The following PROM1 variants were observed in gnomAD, a reference collection of about 807,000 sequenced individuals.
PROM1 encodes prominin 1.
Under a neutral mutation model 116.9 loss-of-function variants are expected in PROM1, and 105 were observed. The observed-to-expected ratio is 0.90, with a 90% CI of 0.77 to 1.06. The LOEUF (loss-of-function observed/expected upper bound fraction) is 1.06, where lower values mean the gene tolerates loss of function less well. Among genes scored for constraint, PROM1 ranks in the 50% least tolerant of loss-of-function variants. The probability of loss-of-function intolerance (pLI) is 0.00; values close to 1 mark genes in which losing one functional copy is unlikely to be tolerated. For missense variants in PROM1, 1,122 were observed against 1,045.2 expected (o/e 1.07, Z -1.01); for synonymous variants, 393 against 387.0 (o/e 1.02, Z -0.18).
At chr4:15,977,650 A>G (rs967729889) in intron 26 of PROM1, among the ~76,000 whole-genome samples, 6 of 152,188 alleles carry the variant, frequency 3.9e-5, no homozygotes, top group Admixed American at 2.0e-4. Flanking sequence ...CCAGGCTGGA[A>G]TGCAGTGGCA....
At chr4:16,022,994 A>G (rs188191235) in intron 8 of PROM1, among the ~76,000 whole-genome samples, 68 of 152,164 alleles carry the variant, frequency 4.5e-4, no homozygotes, top group Non-Finnish European at 7.9e-4. Flanking sequence ...CAACGACTCA[A>G]CTCTGCCATC....
At chr4:15,989,018 G>T (rs766692780) in intron 19 of PROM1, among the ~76,000 whole-genome samples, 2 of 151,950 alleles carry the variant, frequency 1.3e-5, no homozygotes, top group Non-Finnish European at 2.9e-5. Flanking sequence ...CTACAAATAC[G>T]GCCCACACAC....
chr4:16,045,588 G>A (rs886963126), intron 2 of PROM1, among the ~76,000 whole-genome samples: 4 of 152,098 alleles, frequency 2.6e-5, no homozygotes, highest in African/African-American at 9.7e-5. Context: ...TCCTCTACCA[G>A]TAGCCTATCC....
intron 4 of PROM1, among the ~76,000 whole-genome samples, chr4:16,034,373 C>T (rs6816182): frequency 0.88 from 133,437 of 152,180 alleles, 59,111 homozygotes; most frequent in African/African-American, 0.97. Context: ...TTAGAGATAA[C>T]GCATGATTAG....
At chr4:15,970,536 C>A (rs981094893) in intron 27 of PROM1, among the ~76,000 whole-genome samples, 2 of 151,870 alleles carry the variant, frequency 1.3e-5, no homozygotes, top group African/African-American at 2.4e-5. Flanking sequence ...TTAATATACA[C>A]CCACATACTC....
At chr4:15,993,490 C>A (rs1225263200) in intron 16 of PROM1, among the ~76,000 whole-genome samples, 1 of 152,176 alleles carries the variant, frequency 6.6e-6, no homozygotes, top group Non-Finnish European at 1.5e-5. Context: ...AGAGGAGGTT[C>A]TGTCGGCTTC....
chr4:16,075,831 T>C lies in PROM1; in HGVS notation c.76A>G (p.Thr26Ala), dbSNP rs369945480. The C allele has an allele frequency of 7.4e-6, 12 of 1,613,640 alleles. No homozygotes were observed. The African/African-American group carries it at 1.6e-4, about 22-fold the overall frequency. ...TAATTCCAAGCCTTAGGAGCATCTG[T>C]GGATGAAGGCTGCCCTCCTGAAAAG... is the stretch of plus-strand genomic sequence containing the variant. ...NSFSGGQPSS[T>A]DAPKAWNYEL... Residue 26 changes from threonine (T) to alanine (A), a missense_variant, in exon 2 of 28, where the codon ACA (threonine) becomes GCA (alanine). Physicochemically the swap from Thr to Ala is moderately conservative, Grantham distance 58. Transcript: ENST00000447510.
Position 15,985,968 on chromosome 4 carries a change from C to A in PROM1, c.2200G>T (p.Val734Phe). ...AAAAGAAGGCTCACCTCAATAATAA[C>A]AGAGGAAGTATTGTTTGTGATGAAG... The part of the protein sequence containing the change: ...QNFITNNTSS[V>F]IIEETKKYGR... Residue 734 changes from valine to phenylalanine, a missense_variant, in exon 21 of 28, where the codon GTT becomes TTT. Coordinates refer to ENST00000447510, the MANE Select transcript of PROM1 (RefSeq NM_006017.3). 8.9e-7 allele frequency: 1 copy of A among 1,123,654 alleles called. No homozygotes were observed. Among genetic ancestry groups the A allele is most frequent in the Non-Finnish European group, 1.1e-6 (1 of 883,616 alleles). The allele number at this position is 1,123,654 out of a possible 1,614,324, so 69.6% of individuals were successfully genotyped here.
At chr4:16,080,316 C>T (rs746915781) in intron 1 of PROM1, among the ~76,000 whole-genome samples, 12 of 151,674 alleles carry the variant, frequency 7.9e-5, no homozygotes, top group Non-Finnish European at 1.5e-4. Context: ...GTCAGGAGAT[C>T]GAGACCATCC....
chr4:16,009,828 G>A (rs1355011733), intron 11 of PROM1, among the ~76,000 whole-genome samples: 2 of 151,560 alleles, frequency 1.3e-5, no homozygotes, highest in African/African-American at 4.9e-5. Context: ...TAACTCGGGA[G>A]GCTGAGGCAG....
intron 1 of PROM1, among the ~76,000 whole-genome samples, chr4:16,078,760 A>G (rs1434876239): frequency 1.3e-5 from 2 of 152,248 alleles, no homozygotes; most frequent in Non-Finnish European, 2.9e-5. Flanking sequence ...TCCAAGTCAA[A>G]GAAAGCTTTG....
intron 24 of PROM1, 54 bp from the exon 25 acceptor site, chr4:15,979,958 C>G (rs971077483): frequency 2.8e-6 from 3 of 1,069,660 alleles, no homozygotes; most frequent in Non-Finnish European, 4.1e-6. Flanking sequence ...ATTATGAAAG[C>G]TCAGCAACTA....
chr4:16,058,030 C>G (rs1393758253), intron 2 of PROM1, among the ~76,000 whole-genome samples: 1 of 151,984 alleles, frequency 6.6e-6, no homozygotes, highest in Non-Finnish European at 1.5e-5. Context: ...GCCAATTGTT[C>G]AGGAAAAAAA....
intron 11 of PROM1, among the ~76,000 whole-genome samples, chr4:16,009,336 T>C (rs937042502): frequency 7.2e-5 from 11 of 152,246 alleles, no homozygotes; most frequent in East Asian, 1.9e-4. Context: ...GAGATGGTAC[T>C]GAAGTCAAGC....
Position 15,989,263 on chromosome 4 carries a change from C to A in PROM1, c.2076+469G>T, listed in dbSNP as rs534568546. ...GCCTTTATTGCATTAAGAAAAGAAG[C>A]CAGAAGGTGGTGAGAAGCAAATGGA... On this transcript the variant is annotated intron_variant, in intron 19 of 27. Coordinates refer to ENST00000447510, the MANE Select transcript of PROM1 (RefSeq NM_006017.3). Among the ~76,000 whole-genome samples, 4 of 152,102 alleles carry A rather than the reference C, an allele frequency of 2.6e-5. No homozygotes were observed. In the East Asian group the frequency reaches 7.7e-4, roughly 29 times the overall value.
chr4:15,987,877 C>CTTTT lies in PROM1; in HGVS notation c.2077-165_2077-162dup, dbSNP rs56144936. 4.5e-5 allele frequency among the ~76,000 whole-genome samples: 6 copies of CTTTT among 132,374 alleles called. 1 individual carries two copies. Among genetic ancestry groups the CTTTT allele is most frequent in the Non-Finnish European group, 4.7e-5 (3 of 63,500 alleles). The allele number at this position is 132,374 out of a possible 152,430, so 86.8% of individuals were successfully genotyped here. ...CAACACAATTAACAATGTGTACTTT[C>CTTTT]TTTTTTTTTTTTTTTTTGAGATGGA... is the stretch of plus-strand genomic sequence containing the variant. On this transcript the variant is annotated intron_variant, in intron 19 of 27. Transcript: ENST00000447510.
Position 16,035,748 on chromosome 4 carries a change from A to C in PROM1, c.290T>G (p.Ile97Ser), listed in dbSNP as rs1377115916. The change falls in exon 4 of 28, where the codon ATC becomes AGC. Residue 97 changes from isoleucine to serine, a missense_variant. By Grantham distance (142) the Ile-to-Ser change is moderately radical. Coordinates refer to ENST00000447510, the MANE Select transcript of PROM1 (RefSeq NM_006017.3). ...KIDYDKPETV[I>S]LGLKIVYYEA... ...CAAGGACTTTACCTTTAGACCTAAG[A>C]TTACAGTTTCTGGCTGTAGAAGTCA... 7 of 1,613,652 alleles carry C rather than the reference A, an allele frequency of 4.3e-6. No individual in the cohort carries two copies. Among genetic ancestry groups the C allele is most frequent in the Non-Finnish European group, 5.9e-6 (7 of 1,179,636 alleles).
At chr4:16,082,319 A>G (rs1374655688) in intron 1 of PROM1, 2 of 151,924 alleles carry the variant, frequency 1.3e-5, no homozygotes, top group African/African-American at 4.8e-5. Context: ...TCAACCCAAC[A>G]TATCGCAGCG....
At chr4:15,984,179 A>G in intron 23 of PROM1, 84 bp downstream of exon 23, 1 of 1,128,448 alleles carries the variant, frequency 8.9e-7, no homozygotes, top group South Asian at 1.4e-5. Flanking sequence ...GCAGAAAACA[A>G]ATATTATAAT....
Sources: gnomAD v4.1 joint callset for allele counts (sites outside exome capture counted in the v4.1 genomes callset) on GRCh38, gnomAD v4.1.1 for gene constraint, MANE v1.5 for transcripts, NCBI Gene and HGNC (gene_info 2026-07-23, HGNC 2026-07-21) for gene names.